Variants in FARP1 observed in about 807,000 individuals in gnomAD.
The protein encoded by FARP1 is FERM, ARHGEF and pleckstrin domain-containing protein 1.
In FARP1, 52 loss-of-function variants were observed where a neutral mutation model predicts 128.8. The ratio of observed to expected loss-of-function variants is 0.40; its 90% confidence interval spans 0.32 to 0.51. The LOEUF is 0.51. Ranked by LOEUF, FARP1 falls within the 20% of genes least tolerant of loss-of-function variation. The pLI, the probability that FARP1 is intolerant of heterozygous loss-of-function variation, is 0.45. For synonymous variants in FARP1, 580 were observed against 551.8 expected (o/e 1.05, Z -0.72); for missense variants, 1,333 against 1,367.9 (o/e 0.97, Z 0.40).
chr13:98,390,842 T>C lies in FARP1; in HGVS notation c.1050T>C (p.Tyr350=), dbSNP rs778825242. The part of the protein sequence containing the change: ...SGRTQKQVLD[Y]VKEGGHKKVQ... ...GGACTCAGAAGCAGGTTCTCGACTATGTTAAAGAAGGAGGACATAAGAAGG... is the reference window on the plus strand; with the variant it reads ...GGACTCAGAAGCAGGTTCTCGACTACGTTAAAGAAGGAGGACATAAGAAGG... The change falls in exon 11 of 27, where the codon TAT becomes TAC. Residue 350 remains tyrosine, a synonymous_variant. Coordinates refer to ENST00000319562, the MANE Select transcript of FARP1 (RefSeq NM_005766.4). The C allele has an allele frequency of 3.7e-6, 6 of 1,613,790 alleles. 1 individual carries two copies. The highest frequency in any genetic ancestry group is 1.3e-5 in the African/African-American group (1 of 75,014).
intron 1 of FARP1, among the ~76,000 whole-genome samples, chr13:98,212,778 C>A (rs1880811636): frequency 1.3e-5 from 2 of 152,168 alleles, no homozygotes; most frequent in African/African-American, 4.8e-5. Flanking sequence ...AGCCCGAGCT[C>A]TGCAGTGCGC....
intron 13 of FARP1, chr13:98,397,606 C>G (rs1890597429): frequency 6.6e-6 from 1 of 152,208 alleles, no homozygotes; most frequent in Non-Finnish European, 1.5e-5. Flanking sequence ...TGAAGTTTCT[C>G]TGCCTTAGCT....
chr13:98,419,993 C>T (rs367691940), intron 16 of FARP1, among the ~76,000 whole-genome samples: 3 of 152,168 alleles, frequency 2.0e-5, no homozygotes, highest in Admixed American at 6.5e-5. Flanking sequence ...AGGAATCTCC[C>T]GGGGCACTTC....
intron 2 of FARP1, among the ~76,000 whole-genome samples, chr13:98,215,531 T>C (rs1213479644): frequency 1.3e-5 from 2 of 152,182 alleles, no homozygotes; most frequent in African/African-American, 4.8e-5. Flanking sequence ...TTATACTATA[T>C]GAGAATAAAA....
chr13:98,390,035 C>T lies in FARP1; in HGVS notation c.934C>T (p.His312Tyr), dbSNP rs1890247064. 2 of 1,614,038 alleles carry T rather than the reference C, an allele frequency of 1.2e-6. No homozygotes were observed. The highest frequency in any genetic ancestry group is 1.7e-5 in the Admixed American group (1 of 60,000). The stretch of plus-strand genomic sequence containing the variant: ...GTCCTTCTGGAAAATCTGTGTTGAA[C>T]ATCATGCCTTCTTTAGACTTTTTGA... ...CKSFWKICVE[H>Y]HAFFRLFEEP... Residue 312 changes from histidine (H) to tyrosine (Y), a missense_variant, in exon 10 of 27, where the codon CAT (histidine) becomes TAT (tyrosine). Around this residue, in one of 2 missense-constraint regions of FARP1, gnomAD observed 324 missense variants for 398.1 expected, o/e 0.81. Transcript: ENST00000319562.
At chr13:98,169,963 T>G (rs961888386) in intron 1 of FARP1, among the ~76,000 whole-genome samples, 1 of 152,162 alleles carries the variant, frequency 6.6e-6, no homozygotes. Context: ...CCTTTAAAAT[T>G]TTCCATGTAG....
chr13:98,252,845 A>G (rs1318110896), intron 2 of FARP1, among the ~76,000 whole-genome samples: 2 of 152,228 alleles, frequency 1.3e-5, no homozygotes, highest in African/African-American at 4.8e-5. Context: ...GTGATCATGT[A>G]TACTTCAGAG....
intron 2 of FARP1, among the ~76,000 whole-genome samples, chr13:98,297,627 T>C (rs1221587157): frequency 6.6e-6 from 1 of 152,216 alleles, no homozygotes; most frequent in Non-Finnish European, 1.5e-5. Flanking sequence ...TTTGGGTTAT[T>C]ACTACTGTGG....
At chr13:98,159,272 G>C (rs1317593833) in intron 1 of FARP1, among the ~76,000 whole-genome samples, 1 of 152,100 alleles carries the variant, frequency 6.6e-6, no homozygotes, top group Non-Finnish European at 1.5e-5. Context: ...CGTTTGACAG[G>C]AAGCTGAGGC....
chr13:98,268,527 G>T (rs1406544049), intron 2 of FARP1, among the ~76,000 whole-genome samples: 1 of 152,102 alleles, frequency 6.6e-6, no homozygotes, highest in Non-Finnish European at 1.5e-5. Context: ...GAGTGCAGTG[G>T]CGCGATCTCA....
intron 3 of FARP1, 104 bp from the exon 4 acceptor site, chr13:98,365,291 C>T: frequency 1.2e-6 from 1 of 842,246 alleles, no homozygotes; most frequent in Non-Finnish European, 1.9e-6. Flanking sequence ...GGCCTCATAT[C>T]CTCAAAAATA....
intron 1 of FARP1, among the ~76,000 whole-genome samples, chr13:98,144,249 C>T (rs1800382960): frequency 6.6e-6 from 1 of 151,678 alleles, no homozygotes; most frequent in African/African-American, 2.4e-5. Context: ...GGGGGAAATA[C>T]GAATTCCCTG....
At chr13:98,249,440 G>A (rs1237483814) in intron 2 of FARP1, among the ~76,000 whole-genome samples, 1 of 152,072 alleles carries the variant, frequency 6.6e-6, no homozygotes, top group East Asian at 1.9e-4. Context: ...TTTTTTGCAA[G>A]AGTGTTACAG....
chr13:98,213,149 T>G, intron 1 of FARP1, 71 bp from the exon 2 acceptor site: 2 of 1,317,090 alleles, frequency 1.5e-6, no homozygotes, highest in Non-Finnish European at 2.1e-6. Context: ...TGGGTGGGGT[T>G]CAAGGTGGCA....
intron 1 of FARP1, among the ~76,000 whole-genome samples, chr13:98,184,317 C>G (rs1253434952): frequency 1.3e-5 from 2 of 152,034 alleles, no homozygotes; most frequent in Admixed American, 6.6e-5. Flanking sequence ...GGGGTTTCAC[C>G]GTGTTGGCCA....
At chr13:98,149,729 CTTTTTTTT>C (rs71120307) in intron 1 of FARP1, among the ~76,000 whole-genome samples, 32 of 52,418 alleles carry the variant, frequency 6.1e-4, no homozygotes, top group East Asian at 1.6e-3. Flanking sequence ...TAGATATTTA[CTTTTTTTT>C]TTTTTTTTTT....
intron 16 of FARP1, 119 bp downstream of exon 16, chr13:98,412,153 C>T: frequency 1.1e-6 from 1 of 925,864 alleles, no homozygotes; most frequent in Non-Finnish European, 1.7e-6. Flanking sequence ...AACTGGCTTA[C>T]AACAAGTCAG....
At chr13:98,185,468 G>A (rs1377974997) in intron 1 of FARP1, among the ~76,000 whole-genome samples, 1 of 152,100 alleles carries the variant, frequency 6.6e-6, no homozygotes, top group Admixed American at 6.6e-5. Context: ...AAGGTTCCTC[G>A]TGATCAGAAC....
chr13:98,415,801 C>A (rs537161046), intron 16 of FARP1, among the ~76,000 whole-genome samples: 1 of 152,290 alleles, frequency 6.6e-6, no homozygotes, highest in Non-Finnish European at 1.5e-5. Flanking sequence ...CCTTTCCTCA[C>A]GTTGCCGTGA....
Sources: allele counts gnomAD v4.1 joint callset (sites outside exome capture counted in the v4.1 genomes callset), GRCh38; gene constraint gnomAD v4.1.1; regional missense constraint gnomAD v4.1.1; transcripts MANE v1.5; gene names NCBI Gene and HGNC (gene_info 2026-07-23, HGNC 2026-07-21).